KIF19: variants seen among roughly 807,000 people sequenced by gnomAD.
The protein encoded by KIF19 is kinesin family member 19.
Under a neutral mutation model 106.6 loss-of-function variants are expected in KIF19, and 98 were observed. The ratio of observed to expected loss-of-function variants is 0.92; its 90% CI spans 0.78 to 1.09. The LOEUF (loss-of-function observed/expected upper bound fraction) is 1.09, where lower values mean the gene tolerates loss of function less well. Among genes scored for constraint, KIF19 ranks in the 50% least tolerant of loss-of-function variants. The pLI, the probability that KIF19 is intolerant of heterozygous loss-of-function variation, is 0.00. For missense variants in KIF19, 1,373 were observed against 1,414.3 expected, an observed-to-expected ratio of 0.97 and a Z score of 0.47; for synonymous variants, 516 against 584.2, an observed-to-expected ratio of 0.88 and a Z score of 1.68.
Position 74,354,372 on chromosome 17 carries a change from C to T in KIF19, c.2519C>T (p.Ala840Val). Residue 840 changes from alanine to valine, a missense_variant, in exon 18 of 20, where the codon GCT becomes GTT. Physicochemically the swap from Ala to Val is moderately conservative, Grantham distance 64 (BLOSUM62 0). Coordinates refer to ENST00000389916, the MANE Select transcript of KIF19 (RefSeq NM_153209.4). ...KRPPSPTLQH[A>V]ASEDNLSSST... ...CCGCCCAGCCCCACACTACAGCATG[C>T]TGCCAGTGAGGACAACCTGTCCAGC... is the stretch of plus-strand genomic sequence containing the variant. 1 of 1,608,652 alleles carries T rather than the reference C, an allele frequency of 6.2e-7. No individual in the cohort carries two copies. Among genetic ancestry groups the T allele is most frequent in the Non-Finnish European group, 8.5e-7 (1 of 1,178,176 alleles).
chr17:74,342,911 G>T, intron 4 of KIF19, 113 bp from the exon 5 acceptor site: 1 of 1,338,812 alleles, frequency 7.5e-7, no homozygotes, highest in South Asian at 1.4e-5. Context: ...CACCTCCCTG[G>T]CCCTCTGAGA....
In KIF19 at chr17:74,353,307, C is replaced by G. The variant is rs2054772798; in HGVS notation, c.2220+6C>G. The G allele has an allele frequency of 6.4e-7, 1 of 1,561,398 alleles. No individual in the cohort carries two copies. The highest frequency in any genetic ancestry group is 8.7e-7 in the Non-Finnish European group (1 of 1,152,856). ...GCAGCCTGGTGACGCAGGAGGTGAG[C>G]TCTCAGTACCCGATGGCCCCACGAG... On this transcript the variant is annotated splice_donor_region_variant and intron_variant, in intron 16 of 19. Coordinates refer to ENST00000389916, the MANE Select transcript of KIF19 (RefSeq NM_153209.4).
Position 74,350,777 on chromosome 17 carries a change from G to T in KIF19, c.1459G>T (p.Asp487Tyr), listed in dbSNP as rs375327894. The change falls in exon 12 of 20, where the codon GAC (aspartate) becomes TAC (tyrosine). Residue 487 changes from aspartate (D) to tyrosine (Y), a missense_variant. Transcript: ENST00000389916. ...GCAGCGAAAGGAGTGCTACGCTAAG[G>T]ACGACAGCGAGAAGGACTCAGACAC... ...EEQRKECYAK[D>Y]DSEKDSDTGD... 1.2e-6 allele frequency: 2 copies of T among 1,614,052 alleles called. No homozygotes were observed. Among genetic ancestry groups the T allele is most frequent in the Admixed American group, 1.7e-5 (1 of 60,036 alleles).
At chr17:74,328,780 A>C in intron 2 of KIF19, 1 of 327,776 alleles carries the variant, frequency 3.1e-6, no homozygotes, top group Non-Finnish European at 5.7e-6. Flanking sequence ...TGACTTTCCC[A>C]CCCTAATATG....
chr17:74,343,029 G>T lies in KIF19; in HGVS notation c.325G>T (p.Gly109Trp). Residue 109 changes from glycine (G) to tryptophan (W), a missense_variant, in exon 5 of 20, where the codon GGG (glycine) becomes TGG (tryptophan). Physicochemically the swap from Gly to Trp is radical, Grantham distance 184. Transcript: ENST00000389916. ...TCCACCTTGTTCTGCCCCAGGCTGT[G>T]GGAAAACCTACACCATGCTGGGCAC... ...TVFAYGPTGC[G>W]KTYTMLGTDQ... The T allele has an allele frequency of 6.2e-7, 1 of 1,606,016 alleles. No homozygotes were observed. Among genetic ancestry groups the T allele is most frequent in the East Asian group, 2.2e-5 (1 of 44,592 alleles).
rs2054860147 is a variant in KIF19, at chr17:74,355,555, A to G, written c.*243A>G. ...GGACGGCTGGGCTCCCTGGCTTCCC[A>G]GCCCTGGACAGAATGCTGTTGCCAA... On this transcript the variant is annotated 3_prime_UTR_variant, in exon 20 of 20. Transcript: ENST00000389916. 6.7e-6 allele frequency: 3 copies of G among 445,720 alleles called. No homozygotes were observed. Among genetic ancestry groups the G allele is most frequent in the Middle Eastern group, 6.0e-4 (1 of 1,680 alleles). The allele number at this position is 445,720 out of a possible 1,614,324, so 27.6% of individuals were successfully genotyped here.
At position 74,326,325 on chromosome 17, in the gene KIF19, C is replaced by T. The variant is rs2053904683; in HGVS notation, c.-25C>T. ...GCTGAGCCATGCCCGGTGGCGCGGC[C>T]TGAGCCCCTCCACCTGCTGCAATCA... is the stretch of plus-strand genomic sequence containing the variant. On this transcript the variant is annotated 5_prime_UTR_variant, in exon 1 of 20. Coordinates refer to ENST00000389916, the MANE Select transcript of KIF19 (RefSeq NM_153209.4). 3.1e-6 allele frequency: 5 copies of T among 1,607,006 alleles called. No individual in the cohort carries two copies. Among genetic ancestry groups the T allele is most frequent in the South Asian group, 1.1e-5 (1 of 90,488 alleles).
chr17:74,338,574 C>T (rs961890880), intron 2 of KIF19, among the ~76,000 whole-genome samples: 7 of 152,050 alleles, frequency 4.6e-5, no homozygotes, highest in Non-Finnish European at 7.4e-5. Flanking sequence ...TTCCCTCCTC[C>T]ACTGAGAATC....
Position 74,344,310 on chromosome 17 carries a change from G to A in KIF19, c.544G>A (p.Ala182Thr), listed in dbSNP as rs2054468280. 1 of 1,612,816 alleles carries A rather than the reference G, an allele frequency of 6.2e-7. No individual in the cohort carries two copies. The highest frequency in any genetic ancestry group is 8.5e-7 in the Non-Finnish European group (1 of 1,179,770). Reference sequence around the variant, plus strand: ...GGACTCTAAGGGGGTGATCCAGGTGGCCGGCATCACCGAAGTCTCCACCAT... The same window carrying A: ...GGACTCTAAGGGGGTGATCCAGGTGACCGGCATCACCGAAGTCTCCACCAT... ...REDSKGVIQV[A>T]GITEVSTINA... is the part of the protein sequence containing the mutation. Residue 182 changes from alanine to threonine, a missense_variant, in exon 6 of 20, where the codon GCC becomes ACC. This residue lies in a region of KIF19 where 348 missense variants were observed against 389.5 expected (regional missense o/e 0.89). Transcript: ENST00000389916.
Position 74,351,859 on chromosome 17 carries a change from TCCTG to T in KIF19, c.1588-6_1588-3del. 7.2e-7 allele frequency: 1 copy of T among 1,382,338 alleles called. No homozygotes were observed. Among genetic ancestry groups the T allele is most frequent in the Admixed American group, 3.7e-5 (1 of 26,722 alleles). 85.6% of individuals were successfully genotyped at this position (1,382,338 alleles called of 1,614,324 possible). On this transcript the variant is annotated splice_polypyrimidine_tract_variant and splice_region_variant and intron_variant, in intron 12 of 19. Coordinates refer to ENST00000389916, the MANE Select transcript of KIF19 (RefSeq NM_153209.4). ...CCGCTGCCAGATGCTGACCTGCGCCTCCTGCAGCTGGCGCTGGAGCAGCGCTGCC... is the reference window on the plus strand; with the variant it reads ...CCGCTGCCAGATGCTGACCTGCGCCTCAGCTGGCGCTGGAGCAGCGCTGCC...
intron 2 of KIF19, among the ~76,000 whole-genome samples, chr17:74,329,947 C>A (rs1306390349): frequency 6.6e-6 from 1 of 152,226 alleles, no homozygotes; most frequent in Non-Finnish European, 1.5e-5. Context: ...CCAGGATAAG[C>A]AAACCAGAGG....
At chr17:74,338,683 G>A (rs1272502567) in intron 2 of KIF19, among the ~76,000 whole-genome samples, 2 of 151,960 alleles carry the variant, frequency 1.3e-5, no homozygotes, top group African/African-American at 2.4e-5. Context: ...GGTGAAGGAA[G>A]GGGGTTTGAC....
rs1567897443 is a variant in KIF19, at chr17:74,332,193, TGTGTGTGTGTGTGTGTTTGTGTGTG to T, written c.120+3689_120+3713del. On this transcript the variant is annotated intron_variant, in intron 2 of 19. Transcript: ENST00000389916. ...ATGAACACCTCAGTGTGTGTGTGTGTGTGTGTGTGTGTGTGTTTGTGTGTGTGTGTGTGTGTGTGTGTGTGTGTGT... is the reference window on the plus strand; with the variant it reads ...ATGAACACCTCAGTGTGTGTGTGTGTTGTGTGTGTGTGTGTGTGTGTGTGT... Among the ~76,000 whole-genome samples the T allele has an allele frequency of 8.1e-3, 493 of 61,216 alleles. 1 individual carries two copies. The highest frequency in any genetic ancestry group is 0.028 in the African/African-American group (472 of 16,592). The allele number at this position is 61,216 out of a possible 152,430, so 40.2% of individuals were successfully genotyped here.
At chr17:74,342,084 G>C (rs57644970) in intron 3 of KIF19, 98 bp downstream of exon 3, 4 of 824,442 alleles carry the variant, frequency 4.9e-6, no homozygotes, top group Non-Finnish European at 8.0e-6. Flanking sequence ...TTGAACCTCA[G>C]CCTCCACTCC....
chr17:74,349,040 G>A, intron 9 of KIF19, 144 bp from the exon 10 acceptor site: 2 of 729,054 alleles, frequency 2.7e-6, no homozygotes, highest in South Asian at 1.8e-5. Flanking sequence ...TGTGACAGGA[G>A]GTTGTGGAAG....
At chr17:74,342,013 C>A in intron 3 of KIF19, 27 bp downstream of exon 3, 3 of 1,447,338 alleles carry the variant, frequency 2.1e-6, no homozygotes, top group South Asian at 1.2e-5. Context: ...GCTGGAGACA[C>A]GCAGGAGCCC....
intron 14 of KIF19, 33 bp downstream of exon 14, chr17:74,352,373 C>T: frequency 6.3e-7 from 1 of 1,583,192 alleles, no homozygotes. Context: ...TGAACATGGG[C>T]ACATGTGCCC....
chr17:74,343,486 G>A (rs1484305747), intron 5 of KIF19, among the ~76,000 whole-genome samples: 1 of 152,246 alleles, frequency 6.6e-6, no homozygotes, highest in Non-Finnish European at 1.5e-5. Flanking sequence ...GCGATTCTGT[G>A]TATGTGGGTA....
intron 2 of KIF19, among the ~76,000 whole-genome samples, chr17:74,340,690 G>A (rs902885162): frequency 7.9e-5 from 12 of 152,268 alleles, no homozygotes; most frequent in South Asian, 2.1e-4. Flanking sequence ...TTCCACTCCC[G>A]GCTCAGGCTC....
Sources: allele counts gnomAD v4.1 joint callset (sites outside exome capture counted in the v4.1 genomes callset), GRCh38; gene constraint gnomAD v4.1.1; regional missense constraint gnomAD v4.1.1; transcripts MANE v1.5; gene names NCBI Gene and HGNC (gene_info 2026-07-23, HGNC 2026-07-21).